The following STOML2 variants were observed in gnomAD, a reference collection of about 807,000 sequenced individuals.
STOML2 encodes the protein stomatin-like protein 2, mitochondrial.
In STOML2, 22 loss-of-function variants were observed where a neutral mutation model predicts 45.7. The ratio of observed to expected loss-of-function variants is 0.48; its 90% confidence interval spans 0.34 to 0.69. The LOEUF is 0.69. Among genes scored for constraint, STOML2 ranks in the 30% least tolerant of loss-of-function variants. STOML2 has a pLI of 0.01. For synonymous variants in STOML2, 181 were observed against 182.7 expected, an observed-to-expected ratio of 0.99 and a Z score of 0.08; for missense variants, 359 against 466.9, an observed-to-expected ratio of 0.77 and a Z score of 2.13.
rs904414983 is a variant in STOML2, at chr9:35,102,945, A to G, written c.45+105T>C. The G allele has an allele frequency of 5.2e-5, 82 of 1,580,336 alleles. No individual in the cohort carries two copies. The highest frequency in any genetic ancestry group is 6.3e-5 in the Non-Finnish European group (73 of 1,160,354). On this transcript the variant is annotated intron_variant, in intron 1 of 9. Transcript: ENST00000356493. This position sits in a 1 kb window ranked among gnomAD's most constrained non-coding sequence, Gnocchi z 4.8. ...CTCGGAGAATCACATGGGGACCATG[A>G]CCTCTGACCCCAGTCCTCTCCAAAA...
rs1159322172 is a variant in STOML2, at chr9:35,101,450, C to T, written c.555G>A (p.Arg185=). ...CCTGCATCTGCATAGACTCTTTCAC[C>T]CGGGGTGGCACATGGATATCCTTGA... ...YEIKDIHVPP[R]VKESMQMQVE... is the part of the protein sequence containing the mutation. Residue 185 remains arginine, a synonymous_variant, in exon 6 of 10, where the codon CGG becomes CGA. Transcript: ENST00000356493. The surrounding 1 kb of genome is among the most constrained non-coding windows in gnomAD (Gnocchi z 4.3). 1.9e-6 allele frequency: 3 copies of T among 1,614,030 alleles called. No homozygotes were observed. Among genetic ancestry groups the T allele is most frequent in the Non-Finnish European group, 2.5e-6 (3 of 1,180,042 alleles).
chr9:35,100,767 G>A (rs375294858), intron 8 of STOML2, 41 bp from the exon 9 acceptor site: 222 of 1,613,764 alleles, frequency 1.4e-4, no homozygotes, highest in Middle Eastern at 3.3e-4. Context: ...TCACCGATAC[G>A]GAGAAGAAGG....
Position 35,103,090 on chromosome 9 carries a change from A to T in STOML2, c.5T>A (p.Leu2Gln). 1 of 1,613,608 alleles carries T rather than the reference A, an allele frequency of 6.2e-7. No individual in the cohort carries two copies. The highest frequency in any genetic ancestry group is 2.2e-5 in the East Asian group (1 of 44,854). MLARAARGTGAL... is the reference protein window; with the variant it reads MQARAARGTGAL... ...CCCAGTGCCCCGCGCCGCGCGCGCCAGCATTTCCCACCGCCGCAGCGACCT... is the reference window on the plus strand; with the variant it reads ...CCCAGTGCCCCGCGCCGCGCGCGCCTGCATTTCCCACCGCCGCAGCGACCT... Residue 2 changes from leucine to glutamine, a missense_variant, in exon 1 of 10, where the codon CTG becomes CAG. Leu to Gln is a moderately radical substitution (Grantham distance 113, BLOSUM62 -2). This residue lies in a region of STOML2 where 74 missense variants were observed against 45.0 expected (regional missense o/e 1.65). Coordinates refer to ENST00000356493, the MANE Select transcript of STOML2 (RefSeq NM_013442.3).
At position 35,103,042 on chromosome 9, in the gene STOML2, GCT is replaced by G; in HGVS notation, c.45+6_45+7del. 6 of 1,614,012 alleles carry G rather than the reference GCT, an allele frequency of 3.7e-6. No homozygotes were observed. The highest frequency in any genetic ancestry group is 5.1e-6 in the Non-Finnish European group (6 of 1,179,970). Reference sequence around the variant, plus strand: ...CCTGACCCTCTGGAAAGGTTGCCTCGCTCTCACCCTCAGCAAAAGGGCCCCAG... The same window carrying G: ...CCTGACCCTCTGGAAAGGTTGCCTCGCTCACCCTCAGCAAAAGGGCCCCAG... On this transcript the variant is annotated splice_donor_region_variant and intron_variant, in intron 1 of 9. Coordinates refer to ENST00000356493, the MANE Select transcript of STOML2 (RefSeq NM_013442.3).
In STOML2 at chr9:35,101,047, A is replaced by C; in HGVS notation, c.725-36T>G. On this transcript the variant is annotated intron_variant, in intron 7 of 9. Transcript: ENST00000356493. This position sits in a 1 kb window ranked among gnomAD's most constrained non-coding sequence, Gnocchi z 4.3. ...AGGGACAGAGCTTGCTTGACCCATG[A>C]AGTCAAAGTACCCCAAAGATCCTGC... 3 of 1,612,232 alleles carry C rather than the reference A, an allele frequency of 1.9e-6. No homozygotes were observed. The highest frequency in any genetic ancestry group is 2.5e-6 in the Non-Finnish European group (3 of 1,178,586).
At position 35,102,269 on chromosome 9, in the gene STOML2, T is replaced by A; in HGVS notation, c.184-75A>T. On this transcript the variant is annotated intron_variant, in intron 2 of 9. Transcript: ENST00000356493. The surrounding 1 kb of genome is among the most constrained non-coding windows in gnomAD (Gnocchi z 4.8). ...GGACCTAAGCTAGTCCTGGAGTATG[T>A]AGGGAGTCAACACATGGAACATGCC... The A allele has an allele frequency of 7.7e-7, 1 of 1,292,882 alleles. No homozygotes were observed. The highest frequency in any genetic ancestry group is 1.1e-6 in the Non-Finnish European group (1 of 908,052). 80.1% of individuals were successfully genotyped at this position (1,292,882 alleles called of 1,614,324 possible). A position where few individuals can be genotyped will look rare whatever the true frequency, so the allele number is the denominator to read the frequency against.
rs1829786613 is a variant in STOML2, at chr9:35,100,119, G to A, written c.987C>T (p.Asp329=). ...CTCTGCTGCTCCCACTGGAGAGTGA[G>A]TCTGGAGTCCCTGGCACTGGGGCTT... ...LTKAPVPGTP[D]SLSSGSSRDV... is the part of the protein sequence containing the mutation. The change falls in exon 10 of 10, where the codon GAC becomes GAT. Residue 329 remains aspartate (D), a synonymous_variant. Transcript: ENST00000356493. 2 of 1,614,064 alleles carry A rather than the reference G, an allele frequency of 1.2e-6. No individual in the cohort carries two copies. The highest frequency in any genetic ancestry group is 2.2e-5 in the South Asian group (2 of 91,090).
rs1829780439 is a variant in STOML2 at position 35,099,935 on chromosome 9, A to C, written c.*100T>G. ...GAGTTTATTACACGACTAAAGTTCA[A>C]ATAAAAAAATAAAAACCAAAATCTT... On this transcript the variant is annotated 3_prime_UTR_variant, in exon 10 of 10. Coordinates refer to ENST00000356493, the MANE Select transcript of STOML2 (RefSeq NM_013442.3). 2.7e-6 allele frequency: 4 copies of C among 1,466,540 alleles called. No individual in the cohort carries two copies. Among genetic ancestry groups the C allele is most frequent in the East Asian group, 2.3e-5 (1 of 43,684 alleles). 90.8% of individuals were successfully genotyped at this position (1,466,540 alleles called of 1,614,324 possible). A position where few individuals can be genotyped will look rare whatever the true frequency, so the allele number is the denominator to read the frequency against.
At chr9:35,100,557 T>C in intron 9 of STOML2, 41 bp downstream of exon 9, 1 of 1,610,702 alleles carries the variant, frequency 6.2e-7, no homozygotes, top group Non-Finnish European at 8.5e-7. Flanking sequence ...GTTTGGTCCC[T>C]GGCACCAGTG....
chr9:35,101,546 C>G lies in STOML2; in HGVS notation c.459G>C (p.Leu153=). The change falls in exon 6 of 10, where the codon CTG becomes CTC. Residue 153 remains leucine (L), a synonymous_variant. Transcript: ENST00000356493. The surrounding 1 kb of genome is among the most constrained non-coding windows in gnomAD (Gnocchi z 4.3). The part of the protein sequence containing the change: ...LDKVFRERES[L]NASIVDAINQ... ...TGATGGCATCCACAATGCTGGCATT[C>G]AGGGACTCCCGTTCCTGGAAAAAGA... 6.2e-7 allele frequency: 1 copy of G among 1,614,102 alleles called. No homozygotes were observed. The highest frequency in any genetic ancestry group is 8.5e-7 in the Non-Finnish European group (1 of 1,180,018).
In STOML2 at chr9:35,102,749, G is replaced by T; in HGVS notation, c.120C>A (p.Phe40Leu). ...CCACCCAGGCCTCCTGCTGCGGCAC[G>T]AACAGTACCACGGTGTTTCGGGGCA... ...SGLPRNTVVLFVPQQEAWVVE... is the reference protein window; with the variant it reads ...SGLPRNTVVLLVPQQEAWVVE... The change falls in exon 2 of 10, where the codon TTC (phenylalanine) becomes TTA (leucine). Residue 40 changes from phenylalanine (F) to leucine (L), a missense_variant. Physicochemically the swap from Phe to Leu is conservative, Grantham distance 22. Transcript: ENST00000356493. This position sits in a 1 kb window ranked among gnomAD's most constrained non-coding sequence, Gnocchi z 4.8. 9 of 1,614,020 alleles carry T rather than the reference G, an allele frequency of 5.6e-6. No individual in the cohort carries two copies. The highest frequency in any genetic ancestry group is 7.6e-6 in the Non-Finnish European group (9 of 1,180,028).
rs771828327 is a variant in STOML2, at chr9:35,101,376, T to C, written c.579+50A>G. The C allele has an allele frequency of 3.2e-6, 5 of 1,539,854 alleles. No individual in the cohort carries two copies. The highest frequency in any genetic ancestry group is 4.4e-6 in the Non-Finnish European group (5 of 1,139,362). On this transcript the variant is annotated intron_variant, in intron 6 of 9. Coordinates refer to ENST00000356493, the MANE Select transcript of STOML2 (RefSeq NM_013442.3). This position sits in a 1 kb window ranked among gnomAD's most constrained non-coding sequence, Gnocchi z 4.3. ...AACAGGAGGGAAGTCTGGATCCTCC[T>C]GGTACTGGAGCACCCTGAGGCCCTT... is the stretch of plus-strand genomic sequence containing the variant.
At position 35,099,933 on chromosome 9, in the gene STOML2, CA is replaced by C. The variant is rs572252419; in HGVS notation, c.*101del. 7.1e-4 allele frequency: 1,037 copies of C among 1,454,794 alleles called. 3 individuals carry two copies. The highest frequency in any genetic ancestry group is 1.0e-3 in the South Asian group (80 of 77,102). 90.1% of individuals were successfully genotyped at this position (1,454,794 alleles called of 1,614,324 possible). A position where few individuals can be genotyped will look rare whatever the true frequency, so the allele number is the denominator to read the frequency against. On this transcript the variant is annotated 3_prime_UTR_variant, in exon 10 of 10. Coordinates refer to ENST00000356493, the MANE Select transcript of STOML2 (RefSeq NM_013442.3). ...GTGAGTTTATTACACGACTAAAGTTCAAATAAAAAAATAAAAACCAAAATCT... is the reference window on the plus strand; with the variant it reads ...GTGAGTTTATTACACGACTAAAGTTCAATAAAAAAATAAAAACCAAAATCT...
In STOML2 at chr9:35,101,671, T is replaced by G. The variant is rs761735493; in HGVS notation, c.444+39A>C. The G allele has an allele frequency of 1.9e-5, 30 of 1,613,956 alleles. No individual in the cohort carries two copies. The highest frequency in any genetic ancestry group is 2.4e-5 in the Non-Finnish European group (28 of 1,179,890). On this transcript the variant is annotated intron_variant, in intron 5 of 9. Coordinates refer to ENST00000356493, the MANE Select transcript of STOML2 (RefSeq NM_013442.3). The surrounding 1 kb of genome is among the most constrained non-coding windows in gnomAD (Gnocchi z 4.3). Reference sequence around the variant, plus strand: ...CAGAAAAGATTAAGAGTGTCAGGTTTGTGTCTTCAAACCCTAACTCTGGCT... The same window carrying G: ...CAGAAAAGATTAAGAGTGTCAGGTTGGTGTCTTCAAACCCTAACTCTGGCT...
Position 35,102,491 on chromosome 9 carries a change from G to C in STOML2, c.183+195C>G, listed in dbSNP as rs1004611641. 5.5e-6 allele frequency: 5 copies of C among 913,404 alleles called. No individual in the cohort carries two copies. Among genetic ancestry groups the C allele is most frequent in the Non-Finnish European group, 8.2e-6 (5 of 610,696 alleles). The allele number at this position is 913,404 out of a possible 1,614,324, so 56.6% of individuals were successfully genotyped here. On this transcript the variant is annotated intron_variant, in intron 2 of 9. Coordinates refer to ENST00000356493, the MANE Select transcript of STOML2 (RefSeq NM_013442.3). The surrounding 1 kb of genome is among the most constrained non-coding windows in gnomAD (Gnocchi z 4.8). ...GAGAGTGGGCAGGGGAGATTCCCAA[G>C]AATGGGGCCTGTGAGATGCATAGGA...
Position 35,101,349 on chromosome 9 carries a change from A to G in STOML2, c.580-70T>C, listed in dbSNP as rs914307320. 166 of 1,612,198 alleles carry G rather than the reference A, an allele frequency of 1.0e-4. 1 individual carries two copies. In the East Asian group the frequency reaches 2.5e-3, roughly 24 times the overall value. On this transcript the variant is annotated intron_variant, in intron 6 of 9. Transcript: ENST00000356493. This position sits in a 1 kb window ranked among gnomAD's most constrained non-coding sequence, Gnocchi z 4.3. ...ATACAGACATGCAACTCTACCCATC[A>G]TAACAGGAGGGAAGTCTGGATCCTC...
In STOML2 at chr9:35,102,297, G is replaced by A; in HGVS notation, c.184-103C>T. On this transcript the variant is annotated intron_variant, in intron 2 of 9. Transcript: ENST00000356493. The surrounding 1 kb of genome is among the most constrained non-coding windows in gnomAD (Gnocchi z 4.8). The stretch of plus-strand genomic sequence containing the variant: ...GGAGTCAACACATGGAACATGCCCA[G>A]AAAAGCAGCAGCTCCTACCAAGAAA... The A allele has an allele frequency of 2.1e-6, 2 of 970,784 alleles. No homozygotes were observed. Among genetic ancestry groups the A allele is most frequent in the African/African-American group, 1.7e-5 (1 of 60,516 alleles). 60.1% of individuals were successfully genotyped at this position (970,784 alleles called of 1,614,324 possible).
In STOML2 at chr9:35,103,008, A is replaced by T; in HGVS notation, c.45+42T>A. 3 of 1,610,400 alleles carry T rather than the reference A, an allele frequency of 1.9e-6. No individual in the cohort carries two copies. The South Asian group carries it at 3.3e-5, about 18-fold the overall frequency. ...CTCTTTTCCAGCGGAGAACCCAGGT[A>T]ATCTCTGTCCTGACCCTCTGGAAAG... On this transcript the variant is annotated intron_variant, in intron 1 of 9. Transcript: ENST00000356493.
Position 35,102,801 on chromosome 9 carries a change from C to T in STOML2, c.68G>A (p.Arg23His). 6.2e-7 allele frequency: 1 copy of T among 1,613,888 alleles called. No homozygotes were observed. Among genetic ancestry groups the T allele is most frequent in the Middle Eastern group, 1.7e-4 (1 of 6,044 alleles). The change falls in exon 2 of 10, where the codon CGC becomes CAC. Residue 23 changes from arginine to histidine, a missense_variant. This residue lies in a region of STOML2 where 74 missense variants were observed against 45.0 expected (regional missense o/e 1.65). Coordinates refer to ENST00000356493, the MANE Select transcript of STOML2 (RefSeq NM_013442.3). This position sits in a 1 kb window ranked among gnomAD's most constrained non-coding sequence, Gnocchi z 4.8. ...LLRGSLLASG[R>H]APRRASSGLP... is the part of the protein sequence containing the mutation. ...TCCAGAGGAGGCGCGGCGCGGAGCG[C>T]GGCCAGAAGCCAGTAGAGAGCCCTG...
Sources: allele counts gnomAD v4.1 joint callset, GRCh38; gene constraint gnomAD v4.1.1; regional missense constraint gnomAD v4.1.1; non-coding constraint Gnocchi (gnomAD v3.1); transcripts MANE v1.5; gene names NCBI Gene and HGNC (gene_info 2026-07-23, HGNC 2026-07-21).